Variants in LRP3 observed in about 807,000 individuals in gnomAD.
The protein encoded by LRP3 is LDL receptor related protein 3.
In LRP3, 49 loss-of-function variants were observed where a neutral mutation model predicts 58.5. That is an observed-to-expected ratio of 0.84 (90% CI 0.67 to 1.06). The LOEUF (loss-of-function observed/expected upper bound fraction) is 1.06, where lower values mean the gene tolerates loss of function less well. LRP3 is among the 50% of genes least tolerant of loss of function. LRP3 has a pLI of 0.00. For synonymous variants in LRP3, 485 were observed against 492.2 expected, an observed-to-expected ratio of 0.99 and a Z score of 0.20; for missense variants, 1,019 against 1,134.2, an observed-to-expected ratio of 0.90 and a Z score of 1.46.
At chr19:33,195,724 C>G (rs1974278542) in intron 1 of LRP3, among the ~76,000 whole-genome samples, 1 of 152,234 alleles carries the variant, frequency 6.6e-6, no homozygotes, top group South Asian at 2.1e-4. Context: ...CTGTGTGAGC[C>G]TGGCTCAGTG....
chr19:33,206,776 G>T (rs1384470916), intron 6 of LRP3, 43 bp downstream of exon 6: 1 of 1,499,336 alleles, frequency 6.7e-7, no homozygotes, highest in Non-Finnish European at 8.9e-7. Context: ...GGCCACTTGG[G>T]ACAGTGTGCG....
chr19:33,204,410 G>A (rs1427485649), intron 3 of LRP3: 14 of 571,038 alleles, frequency 2.5e-5, no homozygotes, highest in Middle Eastern at 4.6e-4. Flanking sequence ...CGTGGATGTC[G>A]CAATTCTTCA....
In LRP3 at chr19:33,204,755, T is replaced by C. The variant is rs1974381400; in HGVS notation, c.378T>C (p.Pro126=). ...AFRLCGSAIP[P]AFISARDHVW... is the part of the protein sequence containing the mutation. ...GCCTCTGTGGCTCCGCCATCCCACC[T>C]GCCTTCATCTCTGCCCGCGACCATG... Residue 126 remains proline, a synonymous_variant, in exon 4 of 7, where the codon CCT becomes CCC. Transcript: ENST00000253193. 1 of 1,612,940 alleles carries C rather than the reference T, an allele frequency of 6.2e-7. No individual in the cohort carries two copies.
intron 4 of LRP3, 124 bp downstream of exon 4, chr19:33,204,976 C>G: frequency 1.1e-6 from 1 of 906,722 alleles, no homozygotes; most frequent in Non-Finnish European, 1.7e-6. Context: ...CCCCTGACCG[C>G]CCTGTCAATC....
rs1974261861 is a variant in LRP3, at chr19:33,194,412, G to A, written c.-374G>A. Among the ~76,000 whole-genome samples the A allele has an allele frequency of 6.9e-6, 1 of 144,896 alleles. No individual in the cohort carries two copies. The highest frequency in any genetic ancestry group is 6.8e-5 in the Admixed American group (1 of 14,654). ...GGGGCGGCCCGGGGACGCCGGGGCC[G>A]GGCGGGCTGCGCGCCGCGGGGCATG... On this transcript the variant is annotated 5_prime_UTR_variant, in exon 1 of 7. Transcript: ENST00000253193.
intron 5 of LRP3, 95 bp from the exon 6 acceptor site, chr19:33,206,506 G>GCACACA: frequency 1.3e-6 from 2 of 1,588,676 alleles, no homozygotes; most frequent in Non-Finnish European, 1.7e-6. Context: ...ATATCTTGGG[G>GCACACA]TGTCTGGGTG....
chr19:33,207,101 C>T lies in LRP3; in HGVS notation c.1839C>T (p.His613=). The T allele has an allele frequency of 1.3e-6, 2 of 1,525,444 alleles. No homozygotes were observed. The highest frequency in any genetic ancestry group is 2.8e-5 in the African/African-American group (2 of 71,822). The allele number at this position is 1,525,444 out of a possible 1,614,324, so 94.5% of individuals were successfully genotyped here. A position where few individuals can be genotyped will look rare whatever the true frequency, so the allele number is the denominator to read the frequency against. The change falls in exon 7 of 7, where the codon CAC becomes CAT. Residue 613 remains histidine, a synonymous_variant. Coordinates refer to ENST00000253193, the MANE Select transcript of LRP3 (RefSeq NM_002333.4). ...RLGRLWNRLF[H]RPRAPRGQIP... ...GCCGCCTCTGGAACCGGCTCTTTCA[C>T]CGGCCGCGGGCGCCCCGAGGCCAGA... is the stretch of plus-strand genomic sequence containing the variant.
rs1035445 is a variant in LRP3 at position 33,203,252 on chromosome 19, C to T, written c.260+266C>T. On this transcript the variant is annotated intron_variant, in intron 3 of 6. Coordinates refer to ENST00000253193, the MANE Select transcript of LRP3 (RefSeq NM_002333.4). ...TGCAGATGTGTGTGTGTGAGGTAGG[C>T]GTGTGTAGGTATTTGAGCAGGTATG... 0.24 allele frequency among the ~76,000 whole-genome samples: 36,552 copies of T among 151,320 alleles called. 4,819 individuals are homozygous for T. The highest frequency in any genetic ancestry group is 0.36 in the South Asian group (1,720 of 4,794).
At chr19:33,195,290 G>T (rs866614616) in intron 1 of LRP3, among the ~76,000 whole-genome samples, 1 of 152,238 alleles carries the variant, frequency 6.6e-6, no homozygotes, top group South Asian at 2.1e-4. Context: ...GGGGTGCGGG[G>T]CAGGGCTGGA....
intron 1 of LRP3, 94 bp downstream of exon 1, chr19:33,194,952 G>T (rs1453262701): frequency 8.5e-6 from 5 of 590,406 alleles, no homozygotes; most frequent in African/African-American, 2.0e-5. Flanking sequence ...GCGGCATCCC[G>T]AGCCCCCCAC....
At position 33,204,665 on chromosome 19, in the gene LRP3, C is replaced by T. The variant is rs1466693117; in HGVS notation, c.288C>T (p.Ser96=). 2 of 1,607,714 alleles carry T rather than the reference C, an allele frequency of 1.2e-6. No homozygotes were observed. Among genetic ancestry groups the T allele is most frequent in the South Asian group, 2.2e-5 (2 of 91,072 alleles). Residue 96 remains serine (S), a synonymous_variant, in exon 4 of 7, where the codon TCC becomes TCT. Transcript: ENST00000253193. Reference sequence around the variant, plus strand: ...TCCGCAACTTTGACGTGGAGGAGTCCCACCAGTGCTCCCTGGACTGGCTCC... The same window carrying T: ...TCCGCAACTTTGACGTGGAGGAGTCTCACCAGTGCTCCCTGGACTGGCTCC... The part of the protein sequence containing the change: ...ISFRNFDVEE[S]HQCSLDWLLL...
intron 4 of LRP3, 61 bp downstream of exon 4, chr19:33,204,913 C>G (rs1568382959): frequency 1.3e-6 from 2 of 1,527,732 alleles, no homozygotes; most frequent in East Asian, 4.6e-5. Context: ...CCCACAGGCT[C>G]CCGGCCCACA....
intron 2 of LRP3, among the ~76,000 whole-genome samples, chr19:33,200,448 C>G (rs1416289760): frequency 6.6e-6 from 1 of 152,148 alleles, no homozygotes; most frequent in Non-Finnish European, 1.5e-5. Flanking sequence ...TCAGGCTGAT[C>G]TCAAACTCCT....
In LRP3 at chr19:33,206,194, A is replaced by G. The variant is rs1487015004; in HGVS notation, c.1424A>G (p.Asp475Gly). 1 of 1,594,630 alleles carries G rather than the reference A, an allele frequency of 6.3e-7. No individual in the cohort carries two copies. The highest frequency in any genetic ancestry group is 1.3e-5 in the African/African-American group (1 of 74,822). The change falls in exon 5 of 7, where the codon GAC becomes GGC. Residue 475 changes from aspartate to glycine, a missense_variant. Coordinates refer to ENST00000253193, the MANE Select transcript of LRP3 (RefSeq NM_002333.4). The part of the protein sequence containing the change: ...NLCIFETWRC[D>G]GQEDCQDGSD... ...TGCATCTTCGAGACGTGGCGCTGTG[A>G]CGGCCAGGAAGACTGCCAGGACGGC...
At position 33,205,852 on chromosome 19, in the gene LRP3, C is replaced by G; in HGVS notation, c.1082C>G (p.Thr361Ser). The change falls in exon 5 of 7, where the codon ACC (threonine) becomes AGC (serine). Residue 361 changes from threonine (T) to serine (S), a missense_variant. Transcript: ENST00000253193. ...ARSAGHGFNA[T>S]YQVKGYCLPW... ...AGCGCCGGCCACGGCTTCAATGCCA[C>G]CTACCAGGTGAAGGGCTATTGCCTC... 1 of 1,598,298 alleles carries G rather than the reference C, an allele frequency of 6.3e-7. No homozygotes were observed. Among genetic ancestry groups the G allele is most frequent in the Non-Finnish European group, 8.5e-7 (1 of 1,172,250 alleles).
In LRP3 at chr19:33,205,464, CGGCGCTGTG is replaced by C; in HGVS notation, c.695_703del (p.Arg232_Asp235delinsHis). On this transcript the variant is annotated inframe_deletion, in exon 5 of 7. Transcript: ENST00000253193. Reference sequence around the variant, plus strand: ...CTCCACGCGCTGCCTGCCTGTGGAGCGGCGCTGTGACGGCTTGCAGGACTGCGGCGACGG... The same window carrying C: ...CTCCACGCGCTGCCTGCCTGTGGAGCACGGCTTGCAGGACTGCGGCGACGG... The C allele has an allele frequency of 6.3e-7, 1 of 1,584,976 alleles. No individual in the cohort carries two copies. The highest frequency in any genetic ancestry group is 1.1e-5 in the South Asian group (1 of 88,850).
Position 33,208,018 on chromosome 19 carries a change from C to T in LRP3, c.*443C>T, listed in dbSNP as rs1974447943. ...GCTCACGCCTCACCCTCTTCCTGTC[C>T]AGCAAGGCCTCTGGAGGACCTGGGT... On this transcript the variant is annotated 3_prime_UTR_variant, in exon 7 of 7. Coordinates refer to ENST00000253193, the MANE Select transcript of LRP3 (RefSeq NM_002333.4). This position sits in a 1 kb window ranked among gnomAD's most constrained non-coding sequence, Gnocchi z 4.7. The T allele has an allele frequency of 5.6e-6, 1 of 178,642 alleles. No homozygotes were observed. Among genetic ancestry groups the T allele is most frequent in the South Asian group, 1.2e-4 (1 of 8,582 alleles). The allele number at this position is 178,642 out of a possible 1,614,324, so 11.1% of individuals were successfully genotyped here.
intron 2 of LRP3, among the ~76,000 whole-genome samples, chr19:33,201,379 C>G (rs746813520): frequency 2.0e-5 from 3 of 151,884 alleles, no homozygotes; most frequent in Non-Finnish European, 2.9e-5. Context: ...AGGGCAAAGT[C>G]CCCTCCAATG....
rs1407924513 is a variant in LRP3 at position 33,208,739 on chromosome 19, C to T, written c.*1164C>T. Reference sequence around the variant, plus strand: ...GCAGTGCTAAGACAGGAAACCCAGTCCACATTTTAGGGCTTCCTTAAACAG... The same window carrying T: ...GCAGTGCTAAGACAGGAAACCCAGTTCACATTTTAGGGCTTCCTTAAACAG... On this transcript the variant is annotated 3_prime_UTR_variant, in exon 7 of 7. Coordinates refer to ENST00000253193, the MANE Select transcript of LRP3 (RefSeq NM_002333.4). The surrounding 1 kb of genome is among the most constrained non-coding windows in gnomAD (Gnocchi z 4.7). 17 of 945,156 alleles carry T rather than the reference C, an allele frequency of 1.8e-5. No individual in the cohort carries two copies. The highest frequency in any genetic ancestry group is 2.7e-5 in the Non-Finnish European group (17 of 641,158). 58.5% of individuals were successfully genotyped at this position (945,156 alleles called of 1,614,324 possible). A position where few individuals can be genotyped will look rare whatever the true frequency, so the allele number is the denominator to read the frequency against.
Sources: gnomAD v4.1 joint callset for allele counts (sites outside exome capture counted in the v4.1 genomes callset) on GRCh38, gnomAD v4.1.1 for gene constraint, Gnocchi (gnomAD v3.1) non-coding constraint, MANE v1.5 for transcripts, NCBI Gene and HGNC (gene_info 2026-07-23, HGNC 2026-07-21) for gene names.